Variants in ACYP2 observed in about 807,000 individuals in gnomAD.
The protein encoded by ACYP2 is acylphosphatase 2.
In ACYP2, 12 loss-of-function variants were observed where a neutral mutation model predicts 11.2. That is an observed-to-expected ratio of 1.08 (90% CI 0.69 to 1.74). The LOEUF (loss-of-function observed/expected upper bound fraction) is 1.74. Among genes scored for constraint, ACYP2 ranks in the 40% most tolerant of loss-of-function variants. ACYP2 has a pLI of 0.00. For missense variants in ACYP2, 134 were observed against 101.9 expected (o/e 1.31, Z -1.35); for synonymous variants, 43 against 32.2 (o/e 1.33, Z -1.13).
chr2:54,030,135 C>G (rs1674506403), intron 2 of ACYP2, among the ~76,000 whole-genome samples: 1 of 152,156 alleles, frequency 6.6e-6, no homozygotes, highest in African/African-American at 2.4e-5. Flanking sequence ...CAAAAAAATG[C>G]TTGCTAAGTC....
At chr2:54,284,643 T>G (rs186463559) in intron 6 of ACYP2, among the ~76,000 whole-genome samples, 1 of 152,190 alleles carries the variant, frequency 6.6e-6, no homozygotes, top group Admixed American at 6.5e-5. Flanking sequence ...TATCTACAAT[T>G]GTTTTTTAAA....
At chr2:54,065,161 G>A (rs1354582015) in intron 4 of ACYP2, among the ~76,000 whole-genome samples, 1 of 152,170 alleles carries the variant, frequency 6.6e-6, no homozygotes, top group Non-Finnish European at 1.5e-5. Context: ...TTGGCTTAGA[G>A]TAGGAGTTGC....
At chr2:53,972,076 G>A (rs543017183) in intron 1 of ACYP2, among the ~76,000 whole-genome samples, 112 of 152,144 alleles carry the variant, frequency 7.4e-4, no homozygotes, top group Non-Finnish European at 1.2e-3. Context: ...TTGGGAGGCC[G>A]AGGCGGGCGG....
intron 6 of ACYP2, among the ~76,000 whole-genome samples, chr2:54,144,757 C>T (rs1681810931): frequency 6.6e-6 from 1 of 151,714 alleles, no homozygotes; most frequent in African/African-American, 2.4e-5. Context: ...TCATTTTCTC[C>T]TCCTTTTTCC....
At chr2:54,254,846 T>C (rs1020607617) in intron 6 of ACYP2, 173 of 1,455,262 alleles carry the variant, frequency 1.2e-4, no homozygotes, top group Admixed American at 9.3e-4. Flanking sequence ...GCATACCTAA[T>C]GCTGTTGCCC....
At chr2:54,135,579 C>A (rs546289946) in intron 5 of ACYP2, 110 bp downstream of exon 2, 6 of 778,858 alleles carry the variant, frequency 7.7e-6, no homozygotes, top group African/African-American at 7.1e-5. Flanking sequence ...TACTCCCTGT[C>A]CTTGACAGCA....
In ACYP2 at chr2:53,990,424, G is replaced by A. The variant is rs539949211; in HGVS notation, c.62+16614G>A. Among the ~76,000 whole-genome samples, 7 of 152,090 alleles carry A rather than the reference G, an allele frequency of 4.6e-5. No individual in the cohort carries two copies. The South Asian group carries it at 1.5e-3, about 32-fold the overall frequency. The stretch of plus-strand genomic sequence containing the variant: ...ACCACCTTGGGAGGCTGAGGCAGGT[G>A]GATCACCTGAGGTCAGGAATTTGAG... On this transcript the variant is annotated intron_variant, in intron 2 of 6. Transcript: ENST00000607452.
intron 6 of ACYP2, among the ~76,000 whole-genome samples, chr2:54,201,162 G>A (rs1684737460): frequency 6.6e-6 from 1 of 151,158 alleles, no homozygotes; most frequent in Non-Finnish European, 1.5e-5. Context: ...CTGGAGTGCA[G>A]AGGCGCAATC....
intron 6 of ACYP2, among the ~76,000 whole-genome samples, chr2:54,190,414 C>T (rs1274868248): frequency 6.6e-6 from 1 of 152,020 alleles, no homozygotes; most frequent in Non-Finnish European, 1.5e-5. Context: ...CCTTTCTCTC[C>T]TCCCTTTCTC....
intron 6 of ACYP2, among the ~76,000 whole-genome samples, chr2:54,143,764 G>GGT (rs1553380132): frequency 4.7e-5 from 6 of 127,232 alleles, no homozygotes; most frequent in African/African-American, 1.8e-4. Flanking sequence ...TTTTGGGGGG[G>GGT]GGGTATTCTA....
chr2:54,006,540 C>T (rs1022994842), intron 2 of ACYP2, among the ~76,000 whole-genome samples: 2 of 152,180 alleles, frequency 1.3e-5, no homozygotes, highest in African/African-American at 2.4e-5. Context: ...CCTCCTGCTT[C>T]GGCCCTCCAA....
chr2:54,046,447 A>G (rs938031059), intron 2 of ACYP2, among the ~76,000 whole-genome samples: 1 of 150,690 alleles, frequency 6.6e-6, no homozygotes, highest in Non-Finnish European at 1.5e-5. Flanking sequence ...CTGCAGTGCC[A>G]TCGCACTCCA....
rs182265861 is a variant in ACYP2 at position 53,997,173 on chromosome 2, A to G, written c.62+23363A>G. On this transcript the variant is annotated intron_variant, in intron 2 of 6. Transcript: ENST00000607452. ...CTATCTACCTATCAAAACCAAACCT[A>G]TCTTTGAAGGATTACATTTACTCTC... Among the ~76,000 whole-genome samples, 15 of 152,264 alleles carry G rather than the reference A, an allele frequency of 9.9e-5. No homozygotes were observed. The South Asian group carries it at 2.3e-3, about 23-fold the overall frequency.
intron 6 of ACYP2, among the ~76,000 whole-genome samples, chr2:54,151,213 T>G (rs1303879119): frequency 6.6e-6 from 1 of 152,232 alleles, no homozygotes. Flanking sequence ...CCTTTCTGCC[T>G]TAACTATGAA....
intron 6 of ACYP2, among the ~76,000 whole-genome samples, chr2:54,198,563 A>G (rs1684615360): frequency 6.6e-6 from 1 of 151,806 alleles, no homozygotes; most frequent in South Asian, 2.1e-4. Flanking sequence ...TCAACTTGTC[A>G]TGGTGTGTTT....
intron 6 of ACYP2, chr2:54,255,930 C>T: frequency 6.2e-7 from 1 of 1,614,186 alleles, no homozygotes. Context: ...CCGCATCGAC[C>T]AAGATGTGGA....
intron 4 of ACYP2, among the ~76,000 whole-genome samples, chr2:54,062,219 G>A (rs951887133): frequency 5.9e-5 from 9 of 152,280 alleles, no homozygotes; most frequent in Admixed American, 1.3e-4. Flanking sequence ...TGGGTTCTCT[G>A]GACCTGGGGT....
chr2:53,981,868 A>G (rs1210806621), intron 2 of ACYP2, among the ~76,000 whole-genome samples: 1 of 152,222 alleles, frequency 6.6e-6, no homozygotes, highest in Admixed American at 6.5e-5. Flanking sequence ...CATTTCTCAA[A>G]CATATCTCCG....
chr2:54,178,709 T>A (rs17045569), intron 6 of ACYP2, among the ~76,000 whole-genome samples: 2,512 of 152,252 alleles, frequency 0.016, 69 homozygotes, highest in African/African-American at 0.057. Flanking sequence ...GTGGGAAGGA[T>A]TTGTAAGAGA....
Sources: gnomAD v4.1 joint callset for allele counts (sites outside exome capture counted in the v4.1 genomes callset) on GRCh38, gnomAD v4.1.1 for gene constraint, MANE v1.5 for transcripts, NCBI Gene and HGNC (gene_info 2026-07-23, HGNC 2026-07-21) for gene names.